The following DNHD1 variants were observed in gnomAD, a reference collection of about 807,000 sequenced individuals.
DNHD1 encodes the protein dynein heavy chain domain 1, also known as dynein heavy chain domain-containing protein 1.
DNHD1 carries 383 observed loss-of-function variants against 458.1 expected under a neutral mutation model. The ratio of observed to expected loss-of-function variants is 0.84; its 90% CI spans 0.77 to 0.91. The LOEUF is 0.91. Ranked by LOEUF, DNHD1 falls within the 40% of genes least tolerant of loss-of-function variation. The pLI is 0.00. For synonymous variants in DNHD1, 2,203 were observed against 2,376.9 expected, an observed-to-expected ratio of 0.93 and a Z score of 2.13; for missense variants, 5,336 against 5,866.1, an observed-to-expected ratio of 0.91 and a Z score of 2.95.
At chr11:6,541,910 C>T (rs1853103996) in intron 18 of DNHD1, among the ~76,000 whole-genome samples, 1 of 152,146 alleles carries the variant, frequency 6.6e-6, no homozygotes, top group Non-Finnish European at 1.5e-5. Context: ...AGGCAGAAGT[C>T]AGCTAGGCAA....
Position 6,539,811 on chromosome 11 carries a change from C to T in DNHD1, c.3421-65C>T. On this transcript the variant is annotated intron_variant, in intron 17 of 42. Transcript: ENST00000254579. ...TCTGCCTCAGATCCAATCCCCAAGT[C>T]TCGGCTCCAAGCCTGTCCCCGAAGC... The T allele has an allele frequency of 2.7e-6, 4 of 1,456,364 alleles. No individual in the cohort carries two copies. In the South Asian group the frequency reaches 4.9e-5, roughly 18 times the overall value. The allele number at this position is 1,456,364 out of a possible 1,614,324, so 90.2% of individuals were successfully genotyped here.
Position 6,557,410 on chromosome 11 carries a change from G to C in DNHD1, c.8115G>C (p.Val2705=), listed in dbSNP as rs1329093540. ...AGGAGGAGGAGGAGGAGGAGAGGGT[G>C]CCCGAAGTAGAATCTGAAGGGGAGT... ...ESEEEEEEER[V]PEVESEGELA... is the part of the protein sequence containing the mutation. Residue 2705 remains valine (V), a synonymous_variant, in exon 25 of 43, where the codon GTG becomes GTC. Coordinates refer to ENST00000254579, the MANE Select transcript of DNHD1 (RefSeq NM_144666.3). The C allele has an allele frequency of 6.4e-7, 1 of 1,550,860 alleles. No individual in the cohort carries two copies. Among genetic ancestry groups the C allele is most frequent in the East Asian group, 2.4e-5 (1 of 40,918 alleles).
Position 6,571,749 on chromosome 11 carries a change from C to T in DNHD1, c.14025C>T (p.Ser4675=). 2 of 1,613,342 alleles carry T rather than the reference C, an allele frequency of 1.2e-6. No individual in the cohort carries two copies. Among genetic ancestry groups the T allele is most frequent in the South Asian group, 1.1e-5 (1 of 91,018 alleles). Residue 4675 remains serine (S), a synonymous_variant, in exon 43 of 43, where the codon TCC becomes TCT. Transcript: ENST00000254579. The surrounding 1 kb of genome is among the most constrained non-coding windows in gnomAD (Gnocchi z 5.0). The part of the protein sequence containing the change: ...PIAGALQDSP[S]SQPSPLPPVS... ...CTGGAGCCTTGCAGGACAGTCCTTCCAGCCAACCCAGCCCTCTGCCTCCCG... is the reference window on the plus strand; with the variant it reads ...CTGGAGCCTTGCAGGACAGTCCTTCTAGCCAACCCAGCCCTCTGCCTCCCG...
chr11:6,571,356 G>A lies in DNHD1; in HGVS notation c.13844G>A (p.Arg4615Gln), dbSNP rs556560858. ...NVPSSNFPGS[R>Q]GSVSSQLQYK... ...CCCAGCTCGAATTTCCCTGGTAGCC[G>A]AGGCTCGGTCTCCAGTCAGCTCCAG... Residue 4615 changes from arginine to glutamine, a missense_variant, in exon 42 of 43, where the codon CGA (arginine) becomes CAA (glutamine). By Grantham distance (43) the Arg-to-Gln change is conservative. Transcript: ENST00000254579. This position sits in a 1 kb window ranked among gnomAD's most constrained non-coding sequence, Gnocchi z 5.0. The A allele has an allele frequency of 2.2e-5, 35 of 1,612,252 alleles. No individual in the cohort carries two copies. The African/African-American group carries it at 2.9e-4, about 14-fold the overall frequency.
intron 7 of DNHD1, among the ~76,000 whole-genome samples, chr11:6,516,623 C>T (rs1589870514): frequency 6.6e-6 from 1 of 152,044 alleles, no homozygotes; most frequent in Admixed American, 6.6e-5. Context: ...TTTATGTACA[C>T]CATAAATTAT....
chr11:6,526,727 C>T (rs759764602), intron 10 of DNHD1, among the ~76,000 whole-genome samples: 6 of 152,140 alleles, frequency 3.9e-5, no homozygotes, highest in African/African-American at 1.4e-4. Flanking sequence ...TTCTCCATGA[C>T]GAGCTCTGTC....
At chr11:6,510,337 G>A (rs1852312731) in intron 6 of DNHD1, among the ~76,000 whole-genome samples, 1 of 151,978 alleles carries the variant, frequency 6.6e-6, no homozygotes, top group South Asian at 2.1e-4. Flanking sequence ...CACCCACCTC[G>A]ACCTCCCAAA....
In DNHD1 at chr11:6,544,465, T is replaced by A. The variant is rs1246187958; in HGVS notation, c.3755-109T>A. The A allele has an allele frequency of 5.7e-6, 6 of 1,058,344 alleles. No homozygotes were observed. In the Admixed American group the frequency reaches 1.5e-4, roughly 26 times the overall value. The allele number at this position is 1,058,344 out of a possible 1,614,324, so 65.6% of individuals were successfully genotyped here. A position where few individuals can be genotyped will look rare whatever the true frequency, so the allele number is the denominator to read the frequency against. ...TCCCTGAGTCCTGCTGGGCAGAGTATTTTGCTTGGGCTGGTGGGGTACCTG... is the reference window on the plus strand; with the variant it reads ...TCCCTGAGTCCTGCTGGGCAGAGTAATTTGCTTGGGCTGGTGGGGTACCTG... On this transcript the variant is annotated intron_variant, in intron 19 of 42. Transcript: ENST00000254579.
At chr11:6,500,071 T>G (rs1406144481) in intron 3 of DNHD1, among the ~76,000 whole-genome samples, 3 of 151,972 alleles carry the variant, frequency 2.0e-5, no homozygotes, top group Non-Finnish European at 4.4e-5. Context: ...TTCAAGCGAT[T>G]CTTTTGCCTC....
intron 4 of DNHD1, among the ~76,000 whole-genome samples, chr11:6,504,738 C>T (rs537338270): frequency 6.6e-6 from 1 of 152,158 alleles, no homozygotes; most frequent in South Asian, 2.1e-4. Context: ...CATGAGCCAA[C>T]GTGCCTGGCC....
Position 6,545,892 on chromosome 11 carries a change from C to G in DNHD1, c.4953C>G (p.Tyr1651Ter). The change falls in exon 21 of 43, where the codon TAC becomes TAG. Residue 1651 changes from tyrosine (Y) to a stop codon, truncating the protein, a stop_gained. Coordinates refer to ENST00000254579, the MANE Select transcript of DNHD1 (RefSeq NM_144666.3). LOFTEE classifies it high-confidence loss of function. This position sits in a 1 kb window ranked among gnomAD's most constrained non-coding sequence, Gnocchi z 4.9. ...TAGGCAGGTCCTTCCTGTACAATTA[C>G]GAGTATCTGGGACCTAGACTAGGGC... ...DVLGRSFLYN[Y>*]EYLGPRLGPL... 4 of 1,551,836 alleles carry G rather than the reference C, an allele frequency of 2.6e-6. No individual in the cohort carries two copies. Among genetic ancestry groups the G allele is most frequent in the Non-Finnish European group, 3.5e-6 (4 of 1,147,020 alleles).
rs1231020998 is a variant in DNHD1, at chr11:6,545,970, A to G, written c.5031A>G (p.Leu1677=). Residue 1677 remains leucine, a synonymous_variant, in exon 21 of 43, where the codon CTA becomes CTG. Transcript: ENST00000254579. The surrounding 1 kb of genome is among the most constrained non-coding windows in gnomAD (Gnocchi z 4.9). Reference sequence around the variant, plus strand: ...CAGCCCTGGTACTATTATTGGCCCTAGAGGAGGTGGCCTGTGGGACCGTAC... The same window carrying G: ...CAGCCCTGGTACTATTATTGGCCCTGGAGGAGGTGGCCTGTGGGACCGTAC... ...ERPALVLLLA[L]EEVACGTVLG... 3.9e-6 allele frequency: 6 copies of G among 1,551,624 alleles called. No homozygotes were observed. In the South Asian group the frequency reaches 7.1e-5, roughly 18 times the overall value.
chr11:6,521,669 A>G (rs948207344), intron 10 of DNHD1, among the ~76,000 whole-genome samples: 9 of 152,222 alleles, frequency 5.9e-5, no homozygotes, highest in Non-Finnish European at 1.2e-4. Context: ...AAATTTGAAG[A>G]AAAAAAGGAT....
chr11:6,561,241 G>A (rs571333690), intron 28 of DNHD1, among the ~76,000 whole-genome samples: 2 of 152,272 alleles, frequency 1.3e-5, no homozygotes, highest in African/African-American at 4.8e-5. Flanking sequence ...TTCAAGACCA[G>A]CCTGGGCAAC....
chr11:6,520,323 G>C, intron 10 of DNHD1, 34 bp downstream of exon 10: 1 of 1,551,520 alleles, frequency 6.4e-7, no homozygotes, highest in African/African-American at 1.4e-5. Context: ...GGGTAGGAAG[G>C]CTGAAGGAGG....
rs753098819 is a variant in DNHD1, at chr11:6,547,774, G to T, written c.6728-89G>T. The T allele has an allele frequency of 2.4e-5, 37 of 1,512,972 alleles. No homozygotes were observed. In the African/African-American group the frequency reaches 4.2e-4, roughly 17 times the overall value. The allele number at this position is 1,512,972 out of a possible 1,614,324, so 93.7% of individuals were successfully genotyped here. On this transcript the variant is annotated intron_variant, in intron 21 of 42. Transcript: ENST00000254579. ...TCTTTGGTGGATCTGGGCCAGGAGTGAAAAGTAATACTGTCAACCTTTTTT... is the reference window on the plus strand; with the variant it reads ...TCTTTGGTGGATCTGGGCCAGGAGTTAAAAGTAATACTGTCAACCTTTTTT...
chr11:6,556,889 C>G lies in DNHD1; in HGVS notation c.7594C>G (p.Gln2532Glu). The G allele has an allele frequency of 6.4e-7, 1 of 1,551,720 alleles. No individual in the cohort carries two copies. Among genetic ancestry groups the G allele is most frequent in the South Asian group, 1.2e-5 (1 of 84,062 alleles). Residue 2532 changes from glutamine (Q) to glutamate (E), a missense_variant, in exon 25 of 43, where the codon CAG (glutamine) becomes GAG (glutamate). Transcript: ENST00000254579. ...AGTCCTGGCCCTGGAAAGCATGACCCAGGCCACCCTGCTGGAAAGACATGT... is the reference window on the plus strand; with the variant it reads ...AGTCCTGGCCCTGGAAAGCATGACCGAGGCCACCCTGCTGGAAAGACATGT... ...FTVLALESMT[Q>E]ATLLERHVPI...
At position 6,498,951 on chromosome 11, in the gene DNHD1, A is replaced by G. The variant is rs1262886772; in HGVS notation, c.736A>G (p.Lys246Glu). ...DNAEVEPVGR[K>E]ETRSQLDYEV... ...TGCAGAGGTGGAGCCTGTTGGAAGA[A>G]AAGAGACCAGGTAAGTGAGGGACTC... is the stretch of plus-strand genomic sequence containing the variant. Residue 246 changes from lysine to glutamate, a missense_variant, in exon 3 of 43, where the codon AAA (lysine) becomes GAA (glutamate). Transcript: ENST00000254579. The G allele has an allele frequency of 6.2e-7, 1 of 1,601,186 alleles. No individual in the cohort carries two copies. The highest frequency in any genetic ancestry group is 2.2e-5 in the East Asian group (1 of 44,776).
chr11:6,515,494 G>T (rs1381542115), intron 7 of DNHD1, among the ~76,000 whole-genome samples: 1 of 152,114 alleles, frequency 6.6e-6, no homozygotes, highest in East Asian at 1.9e-4. Flanking sequence ...TTGCTTCAAG[G>T]CATGACAACT....
Sources: allele counts gnomAD v4.1 joint callset (sites outside exome capture counted in the v4.1 genomes callset), GRCh38; gene constraint gnomAD v4.1.1; non-coding constraint Gnocchi (gnomAD v3.1); transcripts MANE v1.5; gene names NCBI Gene and HGNC (gene_info 2026-07-23, HGNC 2026-07-21).